Variants in RLIG1 observed in about 807,000 individuals in gnomAD.
The protein encoded by RLIG1 is RNA ligase 1.
the RLIG1 span, chr12:88,046,767 C>T: frequency 1.3e-6 from 2 of 1,544,284 alleles, no homozygotes; most frequent in Non-Finnish European, 1.7e-6. Flanking sequence ...CTGAAAGTTC[C>T]TTTAAATGAA....
the RLIG1 span, chr12:88,036,202 GAAGT>G: frequency 6.7e-6 from 4 of 596,396 alleles, no homozygotes; most frequent in African/African-American, 1.9e-5. Flanking sequence ...TTAGGTCACT[GAAGT>G]TCACACCTCA....
the RLIG1 span, chr12:88,045,739 A>G: frequency 6.2e-7 from 1 of 1,613,214 alleles, no homozygotes; most frequent in South Asian, 1.1e-5. Flanking sequence ...TAGAACAAAC[A>G]CTGGAACTCA....
At chr12:88,048,343 T>TTAAG in the RLIG1 span, 1 of 1,604,336 alleles carries the variant, frequency 6.2e-7, no homozygotes, top group Non-Finnish European at 8.5e-7. Context: ...GCCTTTGATA[T>TTAAG]TAAGTGTTTG....
chr12:88,049,356 T>G, the RLIG1 span: 1 of 1,574,344 alleles, frequency 6.4e-7, no homozygotes, highest in Non-Finnish European at 8.7e-7. Flanking sequence ...ATCTTCAATT[T>G]CTTCAAAAAA....
chr12:88,043,635 C>T, the RLIG1 span: 1 of 1,612,672 alleles, frequency 6.2e-7, no homozygotes, highest in Non-Finnish European at 8.5e-7. Flanking sequence ...TTCAAACCAG[C>T]TCCGGAGTGC....
At chr12:88,039,971 C>G in the RLIG1 span, among the ~76,000 whole-genome samples, 2 of 151,980 alleles carry the variant, frequency 1.3e-5, no homozygotes, top group Non-Finnish European at 2.9e-5. Flanking sequence ...TGTGATAGTA[C>G]AGAAGGGAGC....
the RLIG1 span, among the ~76,000 whole-genome samples, chr12:88,047,572 T>C: frequency 6.6e-6 from 1 of 152,128 alleles, no homozygotes; most frequent in Non-Finnish European, 1.5e-5. Context: ...TATGTACTTC[T>C]TCCCAACTGT....
the RLIG1 span, among the ~76,000 whole-genome samples, chr12:88,046,044 C>T: frequency 6.6e-6 from 1 of 151,982 alleles, no homozygotes; most frequent in Non-Finnish European, 1.5e-5. Context: ...CAGTTGTAAC[C>T]CCCTTGCTTT....
chr12:88,047,433 T>C, the RLIG1 span, among the ~76,000 whole-genome samples: 2 of 152,140 alleles, frequency 1.3e-5, no homozygotes. Flanking sequence ...ATTCATAATA[T>C]TCAAAACTGG....
At chr12:88,048,553 C>G in the RLIG1 span, 2 of 635,624 alleles carry the variant, frequency 3.1e-6, no homozygotes, top group Non-Finnish European at 4.7e-6. Context: ...AATGAATTTT[C>G]CAGTTTCAAG....
the RLIG1 span, chr12:88,044,799 TG>T: frequency 6.6e-6 from 1 of 152,260 alleles, no homozygotes; most frequent in Non-Finnish European, 1.5e-5. Flanking sequence ...GGAGAGGGCA[TG>T]GGGTATTTTG....
chr12:88,035,865 G>A, the RLIG1 span: 1 of 1,517,176 alleles, frequency 6.6e-7, no homozygotes. Flanking sequence ...AACCTCTGTA[G>A]GTTTCCCTGG....
chr12:88,049,211 TTC>T, the RLIG1 span: 5 of 1,598,904 alleles, frequency 3.1e-6, no homozygotes, highest in African/African-American at 6.7e-5. Context: ...TAACAGGACT[TTC>T]TTCTTCATCT....
At chr12:88,040,111 C>A in the RLIG1 span, 2 of 1,158,434 alleles carry the variant, frequency 1.7e-6, no homozygotes, top group Non-Finnish European at 2.6e-6. Context: ...TAGAGGCTAT[C>A]TATCTTAAAC....
chr12:88,037,917 C>T, the RLIG1 span, among the ~76,000 whole-genome samples: 14 of 152,096 alleles, frequency 9.2e-5, no homozygotes, highest in African/African-American at 2.7e-4. Flanking sequence ...TTTTCCTCAT[C>T]CTTGGTGCCC....
chr12:88,048,415 A>G, the RLIG1 span: 1 of 1,386,198 alleles, frequency 7.2e-7, no homozygotes, highest in African/African-American at 1.5e-5. Flanking sequence ...ATAATATTTG[A>G]TGTATAAAAT....
chr12:88,046,718 T>C, the RLIG1 span: 59 of 1,244,834 alleles, frequency 4.7e-5, no homozygotes, highest in Non-Finnish European at 6.3e-5. Flanking sequence ...TTCCTAAGTG[T>C]TTCAAAAGAC....
the RLIG1 span, chr12:88,043,567 A>G: frequency 7.0e-7 from 1 of 1,428,818 alleles, no homozygotes; most frequent in East Asian, 2.5e-5. Context: ...AAGTATCACC[A>G]CATACAATAT....
chr12:88,047,950 C>A, the RLIG1 span, among the ~76,000 whole-genome samples: 2 of 152,110 alleles, frequency 1.3e-5, no homozygotes, highest in African/African-American at 4.8e-5. Context: ...TGATTCATAA[C>A]ATTTTATGGA....
Sources: allele counts gnomAD v4.1 joint callset (sites outside exome capture counted in the v4.1 genomes callset), GRCh38; gene constraint gnomAD v4.1.1; transcripts MANE v1.5; gene names NCBI Gene and HGNC (gene_info 2026-07-23, HGNC 2026-07-21).